Variants in RAPGEF5 observed in about 807,000 individuals in gnomAD.
RAPGEF5 encodes the protein Rap guanine nucleotide exchange factor 5, also known as M-Ras-regulated GEF.
A neutral mutation model predicts 125.2 loss-of-function variants in RAPGEF5; 65 were observed. The observed-to-expected ratio is 0.52, with a 90% CI of 0.43 to 0.64. RAPGEF5 has a LOEUF of 0.64. Among genes scored for constraint, RAPGEF5 ranks in the 30% least tolerant of loss-of-function variants. RAPGEF5 has a pLI of 0.00. For missense variants in RAPGEF5, 958 were observed against 1,048.1 expected (o/e 0.91, Z 1.19); for synonymous variants, 391 against 385.9 (o/e 1.01, Z -0.16).
At position 22,150,512 on chromosome 7, in the gene RAPGEF5, TGAAA is replaced by T; in HGVS notation, c.1787-12_1787-9del. On this transcript the variant is annotated splice_polypyrimidine_tract_variant and intron_variant, in intron 17 of 25. Coordinates refer to ENST00000665637, the MANE Select transcript of RAPGEF5 (RefSeq NM_012294.5). ...GCTGAAGTTCATGCTTTTCTTTATTTGAAAAAAAAAAAAAAAAAAGGAATAATCA... is the reference window on the plus strand; with the variant it reads ...GCTGAAGTTCATGCTTTTCTTTATTTAAAAAAAAAAAAAAAGGAATAATCA... 1.5e-6 allele frequency: 2 copies of T among 1,324,568 alleles called. No homozygotes were observed. Among genetic ancestry groups the T allele is most frequent in the Admixed American group, 2.9e-5 (1 of 34,384 alleles). 82.1% of individuals were successfully genotyped at this position (1,324,568 alleles called of 1,614,324 possible).
intron 20 of RAPGEF5, among the ~76,000 whole-genome samples, chr7:22,141,517 G>A (rs1783260154): frequency 6.6e-6 from 1 of 152,180 alleles, no homozygotes; most frequent in Non-Finnish European, 1.5e-5. Context: ...GCCCAGAGCC[G>A]GCCCCACAGG....
chr7:22,353,599 C>T lies in RAPGEF5; in HGVS notation c.231+3231G>A, dbSNP rs192320273. 1.7e-4 allele frequency among the ~76,000 whole-genome samples: 26 copies of T among 152,200 alleles called. No homozygotes were observed. In the East Asian group the frequency reaches 5.0e-3, roughly 29 times the overall value. The stretch of plus-strand genomic sequence containing the variant: ...AAGCACAGGTGTTCATTATACCATT[C>T]TCTCATAATCTCTGTTATACAATTA... On this transcript the variant is annotated intron_variant, in intron 1 of 25. Coordinates refer to ENST00000665637, the MANE Select transcript of RAPGEF5 (RefSeq NM_012294.5).
At chr7:22,325,466 C>T (rs927698285) in intron 1 of RAPGEF5, among the ~76,000 whole-genome samples, 4 of 152,236 alleles carry the variant, frequency 2.6e-5, no homozygotes, top group Admixed American at 6.5e-5. Context: ...CCCCTCATTT[C>T]CATCCCTGCC....
intron 21 of RAPGEF5, among the ~76,000 whole-genome samples, chr7:22,138,569 G>A (rs910272302): frequency 2.0e-5 from 3 of 152,144 alleles, no homozygotes; most frequent in African/African-American, 7.2e-5. Flanking sequence ...ACTCTCAGCT[G>A]GACCTCGAAG....
intron 17 of RAPGEF5, among the ~76,000 whole-genome samples, chr7:22,154,012 G>T (rs765033922): frequency 6.6e-6 from 1 of 152,156 alleles, no homozygotes; most frequent in Admixed American, 6.5e-5. Context: ...TGCCGTGTGA[G>T]CTTTCAGCTT....
Position 22,121,603 on chromosome 7 carries a change from A to G in RAPGEF5, c.*803T>C, listed in dbSNP as rs1782584772. On this transcript the variant is annotated 3_prime_UTR_variant, in exon 26 of 26. Coordinates refer to ENST00000665637, the MANE Select transcript of RAPGEF5 (RefSeq NM_012294.5). ...CTTTTTCAAAATCATATTATGTCCA[A>G]TAAAAGATAAGAGCCTGCTTAGAAG... is the stretch of plus-strand genomic sequence containing the variant. The G allele has an allele frequency of 6.6e-6, 1 of 152,214 alleles. No individual in the cohort carries two copies. Among genetic ancestry groups the G allele is most frequent in the South Asian group, 2.1e-4 (1 of 4,828 alleles). The allele number at this position is 152,214 out of a possible 1,614,324, so 9.4% of individuals were successfully genotyped here.
chr7:22,320,187 C>T (rs1783687917), intron 1 of RAPGEF5, among the ~76,000 whole-genome samples: 1 of 152,148 alleles, frequency 6.6e-6, no homozygotes, highest in African/African-American at 2.4e-5. Context: ...TTCACTGGTC[C>T]CAGGAGAGCT....
chr7:22,179,910 T>C lies in RAPGEF5; in HGVS notation c.1205-12762A>G, dbSNP rs76075867. On this transcript the variant is annotated intron_variant, in intron 11 of 25. Transcript: ENST00000665637. ...TGAATAACCCACCCCTTGTTTATCA[T>C]ATAATCAAGAAATAACTATAAGTAT... Among the ~76,000 whole-genome samples, 1,330 of 152,308 alleles carry C rather than the reference T, an allele frequency of 8.7e-3. 54 individuals are homozygous for C. Among genetic ancestry groups the C allele is most frequent in the Admixed American group, 0.056 (864 of 15,294 alleles).
At chr7:22,196,805 T>G (rs1375071952) in intron 9 of RAPGEF5, among the ~76,000 whole-genome samples, 1 of 152,226 alleles carries the variant, frequency 6.6e-6, no homozygotes, top group Non-Finnish European at 1.5e-5. Flanking sequence ...ACAGCCTGCC[T>G]GCCACAGACG....
Position 22,120,367 on chromosome 7 carries a change from G to A in RAPGEF5, c.*2039C>T, listed in dbSNP as rs909461751. The A allele has an allele frequency of 2.0e-5, 3 of 152,396 alleles. No individual in the cohort carries two copies. Among genetic ancestry groups the A allele is most frequent in the African/African-American group, 7.2e-5 (3 of 41,456 alleles). 9.4% of individuals were successfully genotyped at this position (152,396 alleles called of 1,614,324 possible). A position where few individuals can be genotyped will look rare whatever the true frequency, so the allele number is the denominator to read the frequency against. ...CAATATGCTGAAATAGTTCTCCATGGAAAATTAGTCCCCTAAAGGTAATGT... is the reference window on the plus strand; with the variant it reads ...CAATATGCTGAAATAGTTCTCCATGAAAAATTAGTCCCCTAAAGGTAATGT... On this transcript the variant is annotated 3_prime_UTR_variant, in exon 26 of 26. Transcript: ENST00000665637. The surrounding 1 kb of genome is among the most constrained non-coding windows in gnomAD (Gnocchi z 4.0).
intron 16 of RAPGEF5, 117 bp from the exon 17 acceptor site, chr7:22,154,721 T>A (rs1783749815): frequency 1.8e-6 from 2 of 1,118,720 alleles, no homozygotes; most frequent in South Asian, 3.2e-5. Flanking sequence ...GCTATTCTCT[T>A]CAGTATAACA....
intron 11 of RAPGEF5, chr7:22,191,772 C>T (rs1039808105): frequency 4.8e-6 from 2 of 417,556 alleles, no homozygotes; most frequent in Admixed American, 2.6e-5. Flanking sequence ...TAGTGGGAAC[C>T]TGTGAGCACC....
chr7:22,126,113 C>T (rs1424074551), intron 24 of RAPGEF5, among the ~76,000 whole-genome samples: 2 of 152,180 alleles, frequency 1.3e-5, no homozygotes, highest in Non-Finnish European at 2.9e-5. Context: ...CCCATCACTA[C>T]ACTCCAGCCT....
intron 5 of RAPGEF5, among the ~76,000 whole-genome samples, chr7:22,296,131 G>T (rs1316035116): frequency 6.6e-6 from 1 of 152,106 alleles, no homozygotes; most frequent in South Asian, 2.1e-4. Flanking sequence ...GTACATGACT[G>T]GGTGAGGGCA....
At position 22,301,585 on chromosome 7, in the gene RAPGEF5, A is replaced by G. The variant is rs545128568; in HGVS notation, c.680+6754T>C. ...AGCCGAGATCGTGCCACTGCACTCC[A>G]GTCTGGGTGGCAGAGTGAGACTCTG... is the stretch of plus-strand genomic sequence containing the variant. On this transcript the variant is annotated intron_variant, in intron 5 of 25. Transcript: ENST00000665637. Among the ~76,000 whole-genome samples the G allele has an allele frequency of 8.2e-5, 12 of 145,994 alleles. No homozygotes were observed. The South Asian group carries it at 2.6e-3, about 32-fold the overall frequency.
At chr7:22,138,393 AT>A (rs1246633369) in intron 21 of RAPGEF5, among the ~76,000 whole-genome samples, 1 of 152,058 alleles carries the variant, frequency 6.6e-6, no homozygotes, top group African/African-American at 2.4e-5. Flanking sequence ...CAACCTAAAC[AT>A]TTTTCCTCGC....
chr7:22,154,380 C>G, intron 17 of RAPGEF5, 75 bp downstream of exon 17: 12 of 1,530,290 alleles, frequency 7.8e-6, no homozygotes, highest in Non-Finnish European at 9.7e-6. Context: ...CACTTTTACT[C>G]TACAAAAATG....
chr7:22,326,631 A>G (rs1481298023), intron 1 of RAPGEF5, among the ~76,000 whole-genome samples: 1 of 152,332 alleles, frequency 6.6e-6, no homozygotes, highest in East Asian at 1.9e-4. Flanking sequence ...ATTGCAATTT[A>G]AGACTATTTC....
intron 7 of RAPGEF5, among the ~76,000 whole-genome samples, chr7:22,241,908 G>T (rs1786341043): frequency 6.6e-6 from 1 of 152,082 alleles, no homozygotes; most frequent in Admixed American, 6.6e-5. Context: ...ACCTTTCTTT[G>T]CATATCATGA....
Sources: gnomAD v4.1 joint callset for allele counts (sites outside exome capture counted in the v4.1 genomes callset) on GRCh38, gnomAD v4.1.1 for gene constraint, Gnocchi (gnomAD v3.1) non-coding constraint, MANE v1.5 for transcripts, NCBI Gene and HGNC (gene_info 2026-07-23, HGNC 2026-07-21) for gene names.